PKP4: variants seen among roughly 807,000 people sequenced by gnomAD.
PKP4 encodes plakophilin-4.
Under a neutral mutation model 145.1 loss-of-function variants are expected in PKP4, and 90 were observed. The observed-to-expected ratio is 0.62, with a 90% confidence interval of 0.52 to 0.74. The LOEUF (loss-of-function observed/expected upper bound fraction) is 0.74, where lower values mean the gene tolerates loss of function less well. Among genes scored for constraint, PKP4 ranks in the 30% least tolerant of loss-of-function variants. The pLI is 0.00. For synonymous variants in PKP4, 563 were observed against 577.2 expected, an observed-to-expected ratio of 0.98 and a Z score of 0.35; for missense variants, 1,340 against 1,482.7, an observed-to-expected ratio of 0.90 and a Z score of 1.58.
At chr2:158,587,145 C>T (rs1322598574) in intron 3 of PKP4, among the ~76,000 whole-genome samples, 3 of 152,062 alleles carry the variant, frequency 2.0e-5, no homozygotes, top group African/African-American at 7.2e-5. Context: ...AGGTTAATAG[C>T]ATAAATGTTT....
rs1017912772 is a variant in PKP4, at chr2:158,542,192, G to C, written c.132+8876G>C. 2.0e-5 allele frequency among the ~76,000 whole-genome samples: 3 copies of C among 152,122 alleles called. No homozygotes were observed. In the East Asian group the frequency reaches 5.8e-4, roughly 29 times the overall value. On this transcript the variant is annotated intron_variant, in intron 2 of 21. Coordinates refer to ENST00000389759, the MANE Select transcript of PKP4 (RefSeq NM_003628.6). ...CTATTGGAAGGGATGCTGCTTACTG[G>C]AGATTTCCCATTGTCCCACTTTCTC...
chr2:158,496,357 T>G (rs1219400558), intron 1 of PKP4, among the ~76,000 whole-genome samples: 7 of 152,224 alleles, frequency 4.6e-5, no homozygotes, highest in Non-Finnish European at 1.0e-4. Context: ...TTTTCTTTTT[T>G]AGCAGTGTAT....
intron 4 of PKP4, among the ~76,000 whole-genome samples, chr2:158,609,800 T>C (rs2050971329): frequency 6.6e-6 from 1 of 152,220 alleles, no homozygotes; most frequent in Non-Finnish European, 1.5e-5. Context: ...CTCATTTCAT[T>C]AGATTCAGGA....
At chr2:158,512,302 G>A (rs898030970) in intron 1 of PKP4, among the ~76,000 whole-genome samples, 1 of 152,224 alleles carries the variant, frequency 6.6e-6, no homozygotes, top group South Asian at 2.1e-4. Context: ...ATTAGACATA[G>A]ACAATATCTC....
intron 11 of PKP4, among the ~76,000 whole-genome samples, chr2:158,643,152 A>C (rs897867071): frequency 2.0e-5 from 3 of 152,208 alleles, no homozygotes; most frequent in African/African-American, 7.2e-5. Context: ...AATAAAACTC[A>C]GTGCCTGCGC....
At chr2:158,576,660 A>G (rs1175511879) in intron 2 of PKP4, among the ~76,000 whole-genome samples, 1 of 152,198 alleles carries the variant, frequency 6.6e-6, no homozygotes, top group Non-Finnish European at 1.5e-5. Flanking sequence ...ATTCTATGTT[A>G]TGGCTTAGTC....
chr2:158,491,137 A>G (rs1694875139), intron 1 of PKP4, among the ~76,000 whole-genome samples: 1 of 152,078 alleles, frequency 6.6e-6, no homozygotes, highest in Admixed American at 6.5e-5. Flanking sequence ...GTATTTCATG[A>G]TATATATCCA....
chr2:158,481,346 A>G (rs1003908178), intron 1 of PKP4, among the ~76,000 whole-genome samples: 2 of 152,202 alleles, frequency 1.3e-5, no homozygotes, highest in Non-Finnish European at 2.9e-5. Flanking sequence ...TCATGATACT[A>G]TAAACATTTG....
intron 2 of PKP4, among the ~76,000 whole-genome samples, chr2:158,575,353 C>G (rs1222419135): frequency 6.6e-6 from 1 of 152,162 alleles, no homozygotes; most frequent in Admixed American, 6.5e-5. Context: ...CCAAAGTCAC[C>G]CGTTCTGCTT....
intron 1 of PKP4, among the ~76,000 whole-genome samples, chr2:158,466,832 A>G (rs902229608): frequency 2.6e-5 from 4 of 152,246 alleles, no homozygotes; most frequent in Non-Finnish European, 5.9e-5. Context: ...ATAGGCACCA[A>G]TCAAGCACCA....
At position 158,483,592 on chromosome 2, in the gene PKP4, T is replaced by G. The variant is rs143047909; in HGVS notation, c.-6+26374T>G. 1.7e-3 allele frequency among the ~76,000 whole-genome samples: 256 copies of G among 152,254 alleles called. 1 individual carries two copies. The highest frequency in any genetic ancestry group is 5.8e-3 in the African/African-American group (241 of 41,548). Reference sequence around the variant, plus strand: ...AGGTTGGAAAGCAGGTAGCTTTTTGTGTATTAAATGGTGTTTGGGGGGATC... The same window carrying G: ...AGGTTGGAAAGCAGGTAGCTTTTTGGGTATTAAATGGTGTTTGGGGGGATC... On this transcript the variant is annotated intron_variant, in intron 1 of 21. Transcript: ENST00000389759.
Position 158,571,441 on chromosome 2 carries a change from G to C in PKP4, c.133-5830G>C, listed in dbSNP as rs147111610. Among the ~76,000 whole-genome samples, 5 of 152,156 alleles carry C rather than the reference G, an allele frequency of 3.3e-5. No individual in the cohort carries two copies. The East Asian group carries it at 7.7e-4, about 23-fold the overall frequency. ...ATGAACTACTTTATGCTAATAATTA[G>C]AGGTAGTAAGGAGCCAGGAGCACAC... On this transcript the variant is annotated intron_variant, in intron 2 of 21. Transcript: ENST00000389759.
intron 2 of PKP4, among the ~76,000 whole-genome samples, chr2:158,550,897 C>T (rs2045563334): frequency 6.6e-6 from 1 of 152,174 alleles, no homozygotes; most frequent in Admixed American, 6.5e-5. Flanking sequence ...GAATTTACAA[C>T]CTAGGCAACC....
intron 1 of PKP4, among the ~76,000 whole-genome samples, chr2:158,516,218 A>G (rs912247834): frequency 1.3e-5 from 2 of 152,132 alleles, no homozygotes; most frequent in East Asian, 3.9e-4. Context: ...TCTGACCCAC[A>G]TGTAAAGTCT....
chr2:158,562,357 AT>A (rs765899923), intron 2 of PKP4, among the ~76,000 whole-genome samples: 6 of 152,240 alleles, frequency 3.9e-5, no homozygotes, highest in Non-Finnish European at 7.3e-5. Flanking sequence ...CCTTGAGGAC[AT>A]TATGCTAAGT....
intron 17 of PKP4, among the ~76,000 whole-genome samples, chr2:158,670,508 C>G (rs1270989384): frequency 6.6e-6 from 1 of 152,128 alleles, no homozygotes; most frequent in South Asian, 2.1e-4. Context: ...GGACACAGAC[C>G]TTCAGACCAT....
chr2:158,588,296 T>C (rs2048976040), intron 3 of PKP4: 3 of 152,178 alleles, frequency 2.0e-5, no homozygotes, highest in Admixed American at 2.0e-4. Context: ...GTAAAAAAGT[T>C]CCCGGTTCAT....
intron 2 of PKP4, among the ~76,000 whole-genome samples, chr2:158,560,574 G>A (rs79139823): frequency 0.033 from 5,046 of 152,142 alleles, 202 homozygotes; most frequent in African/African-American, 0.092. Context: ...TCTGTCTATG[G>A]CAGAAATTAC....
At chr2:158,631,220 G>A (rs767583830) in intron 7 of PKP4, among the ~76,000 whole-genome samples, 5 of 152,008 alleles carry the variant, frequency 3.3e-5, no homozygotes, top group African/African-American at 4.8e-5. Flanking sequence ...GATTACAGGC[G>A]TGAACCACCG....
Sources: allele counts gnomAD v4.1 joint callset (sites outside exome capture counted in the v4.1 genomes callset), GRCh38; gene constraint gnomAD v4.1.1; transcripts MANE v1.5; gene names NCBI Gene and HGNC (gene_info 2026-07-23, HGNC 2026-07-21).